TBC1D19: variants seen among roughly 807,000 people sequenced by gnomAD.
TBC1D19 encodes the protein TBC1 domain family, member 19.
In TBC1D19, 60 loss-of-function variants were observed where a neutral mutation model predicts 89.0. The observed-to-expected ratio is 0.67, with a 90% CI of 0.55 to 0.84. The LOEUF is 0.84. Among genes scored for constraint, TBC1D19 ranks in the 40% least tolerant of loss-of-function variants. The probability of loss-of-function intolerance (pLI) is 0.00; values close to 1 mark genes in which losing one functional copy is unlikely to be tolerated. For synonymous variants in TBC1D19, 189 were observed against 199.7 expected (o/e 0.95, Z 0.45); for missense variants, 500 against 610.8 (o/e 0.82, Z 1.91).
chr4:26,617,852 A>T (rs937480448), intron 3 of TBC1D19, among the ~76,000 whole-genome samples: 1 of 152,348 alleles, frequency 6.6e-6, no homozygotes, highest in East Asian at 1.9e-4. Context: ...TTATAAAAAC[A>T]TATAGCATAG....
intron 19 of TBC1D19, among the ~76,000 whole-genome samples, chr4:26,750,348 G>T (rs1465935890): frequency 6.6e-6 from 1 of 152,128 alleles, no homozygotes; most frequent in African/African-American, 2.4e-5. Flanking sequence ...AGACATTAAA[G>T]CATGTTTAAA....
At chr4:26,605,610 A>T (rs1740944723) in intron 1 of TBC1D19, among the ~76,000 whole-genome samples, 3 of 152,198 alleles carry the variant, frequency 2.0e-5, no homozygotes, top group African/African-American at 7.2e-5. Flanking sequence ...CTAGTTCTAG[A>T]TCCCTGAGGA....
chr4:26,754,849 A>G, intron 20 of TBC1D19, 24 bp from the exon 21 acceptor site: 1 of 1,561,208 alleles, frequency 6.4e-7, no homozygotes, highest in Non-Finnish European at 8.7e-7. Flanking sequence ...TGCTATTAAT[A>G]ATTCTTTTTA....
chr4:26,656,033 C>G (rs2109062311), intron 7 of TBC1D19, among the ~76,000 whole-genome samples: 1 of 151,858 alleles, frequency 6.6e-6, no homozygotes, highest in East Asian at 1.9e-4. Context: ...CACTAGATTC[C>G]TAATAGTTTT....
chr4:26,799,798 C>T, the TBC1D19 span, among the ~76,000 whole-genome samples: 1 of 152,134 alleles, frequency 6.6e-6, no homozygotes, highest in Non-Finnish European at 1.5e-5. Flanking sequence ...GTTGTTTATA[C>T]ATTACCCACT....
At chr4:26,679,320 G>T (rs984494711) in intron 11 of TBC1D19, among the ~76,000 whole-genome samples, 1 of 152,166 alleles carries the variant, frequency 6.6e-6, no homozygotes, top group South Asian at 2.1e-4. Flanking sequence ...ATGACTAAAA[G>T]GGGCCAAGAT....
the TBC1D19 span, among the ~76,000 whole-genome samples, chr4:26,830,045 T>A: frequency 6.6e-6 from 1 of 152,148 alleles, no homozygotes; most frequent in Admixed American, 6.5e-5. Flanking sequence ...TAGTGATTTG[T>A]CCATTCCATC....
At chr4:26,708,205 A>C (rs1021478752) in intron 13 of TBC1D19, among the ~76,000 whole-genome samples, 1 of 152,028 alleles carries the variant, frequency 6.6e-6, no homozygotes, top group Non-Finnish European at 1.5e-5. Context: ...AAGTCTGAAT[A>C]TCTCTCTCAC....
the TBC1D19 span, among the ~76,000 whole-genome samples, chr4:26,850,011 A>C: frequency 6.6e-6 from 1 of 152,110 alleles, no homozygotes; most frequent in Admixed American, 6.6e-5. Flanking sequence ...ACAGGATCAG[A>C]TACTGTAAGT....
the TBC1D19 span, among the ~76,000 whole-genome samples, chr4:26,810,975 T>TA: frequency 6.6e-6 from 1 of 152,290 alleles, no homozygotes; most frequent in South Asian, 2.1e-4. Context: ...AAACCAGAAA[T>TA]ACCATTTGAC....
At chr4:26,799,758 A>G in the TBC1D19 span, among the ~76,000 whole-genome samples, 1 of 152,158 alleles carries the variant, frequency 6.6e-6, no homozygotes, top group Non-Finnish European at 1.5e-5. Context: ...TGCACTTTCC[A>G]GCCTCCAGAA....
At chr4:26,622,947 C>T (rs1742154814) in intron 4 of TBC1D19, among the ~76,000 whole-genome samples, 1 of 152,178 alleles carries the variant, frequency 6.6e-6, no homozygotes, top group Admixed American at 6.6e-5. Context: ...GCCCACAGAA[C>T]ACTCTTGATA....
chr4:26,830,525 A>G, the TBC1D19 span, among the ~76,000 whole-genome samples: 4 of 151,900 alleles, frequency 2.6e-5, no homozygotes, highest in African/African-American at 9.7e-5. Context: ...GTGTTTGCAT[A>G]TTTCTGGGAT....
the TBC1D19 span, among the ~76,000 whole-genome samples, chr4:26,805,681 C>T: frequency 1.3e-5 from 2 of 152,130 alleles, no homozygotes; most frequent in Non-Finnish European, 2.9e-5. Flanking sequence ...TTCTCCATTC[C>T]CAGCCAGAGA....
intron 1 of TBC1D19, 107 bp from the exon 2 acceptor site, chr4:26,613,062 C>A: frequency 1.3e-6 from 1 of 784,994 alleles, no homozygotes; most frequent in Non-Finnish European, 2.0e-6. Context: ...CATTTTTGAA[C>A]ACTCCTTTTT....
chr4:26,857,273 C>G, the TBC1D19 span, among the ~76,000 whole-genome samples: 1 of 152,192 alleles, frequency 6.6e-6, no homozygotes. Context: ...TAGCGTTTGT[C>G]GAGAGTCAGC....
chr4:26,620,894 G>GA (rs1357819761), intron 4 of TBC1D19, among the ~76,000 whole-genome samples: 1 of 151,992 alleles, frequency 6.6e-6, no homozygotes, highest in Non-Finnish European at 1.5e-5. Context: ...GGCAACCCTG[G>GA]AAAAAATGGG....
the TBC1D19 span, among the ~76,000 whole-genome samples, chr4:26,832,402 T>G: frequency 6.6e-6 from 1 of 152,198 alleles, no homozygotes; most frequent in South Asian, 2.1e-4. Context: ...AGGCTGTGGC[T>G]TGTCCAACTG....
chr4:26,584,992 CTGAG>C, intron 1 of TBC1D19: 1 of 185,496 alleles, frequency 5.4e-6, no homozygotes, highest in South Asian at 8.5e-5. Context: ...CTTTTTATTG[CTGAG>C]TAATATTTCA....
Sources: gnomAD v4.1 joint callset for allele counts (sites outside exome capture counted in the v4.1 genomes callset) on GRCh38, gnomAD v4.1.1 for gene constraint, MANE v1.5 for transcripts, NCBI Gene and HGNC (gene_info 2026-07-23, HGNC 2026-07-21) for gene names.